ATP10A: variants seen among roughly 807,000 people sequenced by gnomAD.
ATP10A encodes phospholipid-transporting ATPase VA.
In ATP10A, 111 loss-of-function variants were observed where a neutral mutation model predicts 147.8. The ratio of observed to expected loss-of-function variants is 0.75; its 90% CI spans 0.64 to 0.88. The LOEUF (loss-of-function observed/expected upper bound fraction) is 0.88, where lower values mean the gene tolerates loss of function less well. ATP10A is among the 40% of genes least tolerant of loss of function. The probability of loss-of-function intolerance (pLI) is 0.00; values close to 1 mark genes in which losing one functional copy is unlikely to be tolerated. For synonymous variants in ATP10A, 875 were observed against 841.6 expected (o/e 1.04, Z -0.69); for missense variants, 1,927 against 1,959.0 (o/e 0.98, Z 0.31).
chr15:25,729,752 C>A (rs549421292), intron 3 of ATP10A, among the ~76,000 whole-genome samples: 4 of 152,144 alleles, frequency 2.6e-5, no homozygotes, highest in African/African-American at 9.7e-5. Flanking sequence ...CAGCTTCTGC[C>A]GCCTTCAGGG....
chr15:25,742,520 T>C (rs1887629121), intron 2 of ATP10A, among the ~76,000 whole-genome samples: 1 of 152,204 alleles, frequency 6.6e-6, no homozygotes, highest in Non-Finnish European at 1.5e-5. Flanking sequence ...CTCCTGACTG[T>C]CGCACAGTCA....
chr15:25,829,074 G>C (rs906213822), intron 1 of ATP10A, among the ~76,000 whole-genome samples: 1 of 152,176 alleles, frequency 6.6e-6, no homozygotes, highest in Non-Finnish European at 1.5e-5. Flanking sequence ...AACCAACGTG[G>C]AGTAAGGAGG....
intron 15 of ATP10A, among the ~76,000 whole-genome samples, chr15:25,689,053 T>C (rs139325845): frequency 1.3e-5 from 2 of 152,368 alleles, no homozygotes; most frequent in Admixed American, 1.3e-4. Flanking sequence ...AAGAGGCTGA[T>C]GGCCTACAAG....
intron 9 of ATP10A, among the ~76,000 whole-genome samples, chr15:25,714,832 T>G (rs895879230): frequency 6.6e-6 from 1 of 152,182 alleles, no homozygotes; most frequent in African/African-American, 2.4e-5. Context: ...CTATAAAAAT[T>G]TAATATACAA....
At chr15:25,864,829 C>T (rs1177540045), upstream of ATP10A, among the ~76,000 whole-genome samples, 3 of 152,154 alleles carry the variant, frequency 2.0e-5, no homozygotes, top group African/African-American at 4.8e-5. Flanking sequence ...CCGTGTTTTC[C>T]TCTACCAGCC....
intron 9 of ATP10A, 92 bp downstream of exon 9, chr15:25,716,638 A>G (rs928504146): frequency 1.6e-6 from 2 of 1,288,250 alleles, no homozygotes; most frequent in East Asian, 2.6e-5. Context: ...TTGCTGCAGG[A>G]AAGGGAAGGG....
At chr15:25,673,096 C>G (rs943323289), downstream of ATP10A, among the ~76,000 whole-genome samples, 2 of 152,134 alleles carry the variant, frequency 1.3e-5, no homozygotes, top group Admixed American at 1.3e-4. Context: ...CCCAGGGCCC[C>G]TCAGGGGCTC....
chr15:25,776,702 C>A lies in ATP10A; in HGVS notation c.654+4317G>T, dbSNP rs536658664. On this transcript the variant is annotated intron_variant, in intron 2 of 20. Coordinates refer to ENST00000555815, the MANE Select transcript of ATP10A (RefSeq NM_024490.4). Reference sequence around the variant, plus strand: ...CGGAGCCATCAGCCCGGTGTCTAGGCCTCGCCTTCAGATTCTGGGGTCTGG... The same window carrying A: ...CGGAGCCATCAGCCCGGTGTCTAGGACTCGCCTTCAGATTCTGGGGTCTGG... Among the ~76,000 whole-genome samples the A allele has an allele frequency of 7.0e-4, 106 of 152,346 alleles. 1 individual carries two copies. Among genetic ancestry groups the A allele is most frequent in the African/African-American group, 2.5e-3 (102 of 41,582 alleles).
intron 16 of ATP10A, among the ~76,000 whole-genome samples, chr15:25,684,598 C>G (rs1225107815): frequency 2.6e-5 from 4 of 152,170 alleles, no homozygotes; most frequent in Non-Finnish European, 5.9e-5. Flanking sequence ...TCCAAGACAT[C>G]AAATGACTTG....
At chr15:25,699,990 T>C (rs1900573046) in intron 13 of ATP10A, among the ~76,000 whole-genome samples, 1 of 152,158 alleles carries the variant, frequency 6.6e-6, no homozygotes, top group South Asian at 2.1e-4. Context: ...GCAAATCACA[T>C]AGCCCACAAA....
chr15:25,802,510 TATG>T (rs1890986157), intron 1 of ATP10A, among the ~76,000 whole-genome samples: 1 of 152,200 alleles, frequency 6.6e-6, no homozygotes, highest in Non-Finnish European at 1.5e-5. Flanking sequence ...CACACACGTT[TATG>T]ATGTTATCGT....
chr15:25,849,895 A>G (rs1893205045), intron 1 of ATP10A, among the ~76,000 whole-genome samples: 1 of 152,250 alleles, frequency 6.6e-6, no homozygotes, highest in Admixed American at 6.5e-5. Flanking sequence ...GCAAGTCACA[A>G]TGAGAGTTAA....
intron 2 of ATP10A, among the ~76,000 whole-genome samples, chr15:25,774,858 TGTCAAA>T (rs2140679952): frequency 6.6e-6 from 1 of 152,350 alleles, no homozygotes; most frequent in Admixed American, 6.5e-5. Flanking sequence ...GTTATTGTAT[TGTCAAA>T]GTCATTTATT....
At chr15:25,853,753 G>A (rs376604508) in intron 1 of ATP10A, among the ~76,000 whole-genome samples, 3 of 152,136 alleles carry the variant, frequency 2.0e-5, no homozygotes, top group Non-Finnish European at 2.9e-5. Flanking sequence ...GAACAGGCAG[G>A]TGGGGCTTCA....
chr15:25,713,924 C>T lies in ATP10A; in HGVS notation c.2094G>A (p.Pro698=), dbSNP rs376725282. ...ERELRYEAES[P]DEAALVYAAR... is the part of the protein sequence containing the mutation. ...CCGCATACACCAGTGCGGCCTCATC[C>T]GGGCTCTCCGCCTCGTACCGCAGCT... The change falls in exon 10 of 21, where the codon CCG becomes CCA. Residue 698 remains proline (P), a synonymous_variant. Transcript: ENST00000555815. 8 of 1,612,516 alleles carry T rather than the reference C, an allele frequency of 5.0e-6. No homozygotes were observed. The highest frequency in any genetic ancestry group is 6.8e-6 in the Non-Finnish European group (8 of 1,180,020).
At position 25,680,315 on chromosome 15, in the gene ATP10A, G is replaced by A. The variant is rs986995865; in HGVS notation, c.3679-7C>T. 1 of 1,612,434 alleles carries A rather than the reference G, an allele frequency of 6.2e-7. No individual in the cohort carries two copies. Reference sequence around the variant, plus strand: ...TTATCCAGTTGAGCCAGGTCTGAGGGGGAATGAGAAAGAAAGGGCTTTTAT... The same window carrying A: ...TTATCCAGTTGAGCCAGGTCTGAGGAGGAATGAGAAAGAAAGGGCTTTTAT... On this transcript the variant is annotated splice_polypyrimidine_tract_variant and splice_region_variant and intron_variant, in intron 19 of 20. Transcript: ENST00000555815.
intron 1 of ATP10A, among the ~76,000 whole-genome samples, chr15:25,843,371 T>C (rs1892894058): frequency 6.6e-6 from 1 of 151,976 alleles, no homozygotes; most frequent in Non-Finnish European, 1.5e-5. Flanking sequence ...TCAGTGCAAG[T>C]GGAGAGAGAC....
intron 2 of ATP10A, among the ~76,000 whole-genome samples, chr15:25,759,138 C>A (rs967356100): frequency 6.6e-6 from 1 of 152,200 alleles, no homozygotes; most frequent in Admixed American, 6.5e-5. Flanking sequence ...TCTGTAAGGG[C>A]GCACCCTTCT....
intron 2 of ATP10A, among the ~76,000 whole-genome samples, chr15:25,751,790 A>T (rs932444176): frequency 6.6e-6 from 1 of 152,176 alleles, no homozygotes; most frequent in African/African-American, 2.4e-5. Context: ...TATCCAAAGT[A>T]TACAAGGAGC....
Sources: gnomAD v4.1 joint callset for allele counts (sites outside exome capture counted in the v4.1 genomes callset) on GRCh38, gnomAD v4.1.1 for gene constraint, MANE v1.5 for transcripts, NCBI Gene and HGNC (gene_info 2026-07-23, HGNC 2026-07-21) for gene names.